The following JAKMIP1 variants were observed in gnomAD, a reference collection of about 807,000 sequenced individuals.
JAKMIP1 encodes the protein janus kinase and microtubule-interacting protein 1.
In JAKMIP1, 33 loss-of-function variants were observed where a neutral mutation model predicts 113.0. That is an observed-to-expected ratio of 0.29 (90% CI 0.22 to 0.39). JAKMIP1 has a LOEUF of 0.39. Ranked by LOEUF, JAKMIP1 falls within the 10% of genes least tolerant of loss-of-function variation. The probability of loss-of-function intolerance (pLI) is 1.00; values close to 1 mark genes in which losing one functional copy is unlikely to be tolerated. For missense variants in JAKMIP1, 813 were observed against 1,080.5 expected, an observed-to-expected ratio of 0.75 and a Z score of 3.47; for synonymous variants, 480 against 459.9, an observed-to-expected ratio of 1.04 and a Z score of -0.56.
At chr4:6,052,256 G>T (rs923659929) in intron 13 of JAKMIP1, among the ~76,000 whole-genome samples, 1 of 151,934 alleles carries the variant, frequency 6.6e-6, no homozygotes, top group African/African-American at 2.4e-5. Context: ...ATTTCATGAT[G>T]GTTCCATTCC....
intron 1 of JAKMIP1, among the ~76,000 whole-genome samples, chr4:6,173,886 GC>G (rs1356337944): frequency 6.6e-6 from 1 of 152,062 alleles, no homozygotes; most frequent in African/African-American, 2.4e-5. Context: ...GACCAGCCTG[GC>G]GAACATGGTG....
intron 9 of JAKMIP1, 117 bp from the exon 10 acceptor site, chr4:6,062,557 G>T: frequency 8.9e-7 from 1 of 1,125,358 alleles, no homozygotes; most frequent in Non-Finnish European, 1.3e-6. Flanking sequence ...TGAGTGCCAG[G>T]GTCAACTTAG....
Position 6,081,578 on chromosome 4 carries a change from C to A in JAKMIP1, c.1101+31G>T, listed in dbSNP as rs1720554170. 2.5e-6 allele frequency: 4 copies of A among 1,612,996 alleles called. No individual in the cohort carries two copies. The highest frequency in any genetic ancestry group is 1.1e-5 in the South Asian group (1 of 90,840). ...GAATCCCAGACAGAGAAGGGAGTGT[C>A]AGGGCTGTCCCCAAGGGGTCCACAG... On this transcript the variant is annotated intron_variant, in intron 6 of 20. Coordinates refer to ENST00000409021, the MANE Select transcript of JAKMIP1 (RefSeq NM_001099433.2). The surrounding 1 kb of genome is among the most constrained non-coding windows in gnomAD (Gnocchi z 4.6).
chr4:6,074,299 C>T (rs1234512709), intron 8 of JAKMIP1, among the ~76,000 whole-genome samples: 1 of 152,202 alleles, frequency 6.6e-6, no homozygotes, highest in East Asian at 1.9e-4. Context: ...TGGGAGTGGA[C>T]TGGAGGCACC....
rs1719041621 is a variant in JAKMIP1, at chr4:6,135,115, T to C, written c.-147-22118A>G. ...GGCCACTCCTCCCCATCCTCTCCCATTCTCAAGCCATGGTATATGGGCTGA... is the reference window on the plus strand; with the variant it reads ...GGCCACTCCTCCCCATCCTCTCCCACTCTCAAGCCATGGTATATGGGCTGA... On this transcript the variant is annotated intron_variant, in intron 1 of 20. Transcript: ENST00000409021. The surrounding 1 kb of genome is among the most constrained non-coding windows in gnomAD (Gnocchi z 4.9). 6.6e-6 allele frequency among the ~76,000 whole-genome samples: 1 copy of C among 152,150 alleles called. No homozygotes were observed. The highest frequency in any genetic ancestry group is 2.1e-4 in the South Asian group (1 of 4,830).
At chr4:6,098,564 AAGAAAG>A (rs1560180050) in intron 3 of JAKMIP1, among the ~76,000 whole-genome samples, 1 of 22,354 alleles carries the variant, frequency 4.5e-5, no homozygotes, top group African/African-American at 9.4e-5. Flanking sequence ...GAAAGAAAGA[AAGAAAG>A]AAAGAAAGAA....
intron 3 of JAKMIP1, among the ~76,000 whole-genome samples, chr4:6,100,133 G>T (rs1392317701): frequency 6.6e-6 from 1 of 152,088 alleles, no homozygotes; most frequent in East Asian, 1.9e-4. Flanking sequence ...TATAAATCAT[G>T]AACTTCGCCG....
chr4:6,135,098 C>T lies in JAKMIP1; in HGVS notation c.-147-22101G>A, dbSNP rs1719039426. On this transcript the variant is annotated intron_variant, in intron 1 of 20. Coordinates refer to ENST00000409021, the MANE Select transcript of JAKMIP1 (RefSeq NM_001099433.2). The surrounding 1 kb of genome is among the most constrained non-coding windows in gnomAD (Gnocchi z 4.9). ...TGCTCAGTCTCCATGGGGGCCACTC[C>T]TCCCCATCCTCTCCCATTCTCAAGC... 6.6e-6 allele frequency among the ~76,000 whole-genome samples: 1 copy of T among 152,116 alleles called. No individual in the cohort carries two copies. Among genetic ancestry groups the T allele is most frequent in the South Asian group, 2.1e-4 (1 of 4,824 alleles).
chr4:6,163,701 T>G (rs957790194), intron 1 of JAKMIP1, among the ~76,000 whole-genome samples: 2 of 152,244 alleles, frequency 1.3e-5, no homozygotes, highest in Non-Finnish European at 2.9e-5. Flanking sequence ...TTAGCCAAGT[T>G]GTGAATGCAC....
At position 6,042,436 on chromosome 4, in the gene JAKMIP1, G is replaced by A. The variant is rs1439183890; in HGVS notation, c.2029-209C>T. Among the ~76,000 whole-genome samples the A allele has an allele frequency of 1.3e-5, 2 of 152,128 alleles. No homozygotes were observed. The highest frequency in any genetic ancestry group is 2.9e-5 in the Non-Finnish European group (2 of 68,024). ...CCTGCATGTGCAGGAGGTCTTAGGT[G>A]TGAGTGTGACATGTACGTGGTGTGG... On this transcript the variant is annotated intron_variant, in intron 16 of 20. Transcript: ENST00000409021. The surrounding 1 kb of genome is among the most constrained non-coding windows in gnomAD (Gnocchi z 5.2).
chr4:6,177,297 G>A (rs1013136814), intron 1 of JAKMIP1, among the ~76,000 whole-genome samples: 1 of 152,176 alleles, frequency 6.6e-6, no homozygotes, highest in Non-Finnish European at 1.5e-5. Flanking sequence ...GATGGGATGT[G>A]GAGTCCAGGG....
chr4:6,030,517 G>A (rs1468231572), intron 19 of JAKMIP1, among the ~76,000 whole-genome samples: 3 of 152,130 alleles, frequency 2.0e-5, no homozygotes, highest in Non-Finnish European at 2.9e-5. Context: ...CGTCTCCACC[G>A]AGGGAATCTG....
intron 4 of JAKMIP1, among the ~76,000 whole-genome samples, chr4:6,085,215 C>T (rs1002676678): frequency 1.3e-5 from 2 of 152,116 alleles, no homozygotes; most frequent in African/African-American, 4.8e-5. Flanking sequence ...GCCCCTCCCA[C>T]CCCGTATCTC....
chr4:6,127,167 C>A (rs1315100259), intron 1 of JAKMIP1, among the ~76,000 whole-genome samples: 1 of 152,218 alleles, frequency 6.6e-6, no homozygotes, highest in Non-Finnish European at 1.5e-5. Flanking sequence ...GGCTTCAGAG[C>A]CTGGCACGTC....
intron 3 of JAKMIP1, among the ~76,000 whole-genome samples, chr4:6,099,894 T>C (rs536055832): frequency 1.3e-5 from 2 of 152,352 alleles, no homozygotes; most frequent in Admixed American, 1.3e-4. Flanking sequence ...CTTTAGTGTA[T>C]GGGATGCTAC....
chr4:6,054,234 G>T, intron 12 of JAKMIP1, 86 bp from the exon 13 acceptor site: 1 of 1,377,240 alleles, frequency 7.3e-7, no homozygotes. Flanking sequence ...AGTGGCTGGA[G>T]GGAAACAGAC....
intron 3 of JAKMIP1, among the ~76,000 whole-genome samples, chr4:6,100,072 T>C (rs1387987910): frequency 6.6e-6 from 1 of 152,208 alleles, no homozygotes; most frequent in Non-Finnish European, 1.5e-5. Flanking sequence ...CTTTTATCAA[T>C]CCTATTTAAA....
chr4:6,163,293 CTG>C (rs150707742), intron 1 of JAKMIP1, among the ~76,000 whole-genome samples: 5,243 of 152,332 alleles, frequency 0.034, 204 homozygotes, highest in African/African-American at 0.086. Context: ...CCTCGTGTCT[CTG>C]TGCCACATTT....
At chr4:6,149,280 A>G (rs1721263754) in intron 1 of JAKMIP1, among the ~76,000 whole-genome samples, 1 of 152,248 alleles carries the variant, frequency 6.6e-6, no homozygotes, top group Non-Finnish European at 1.5e-5. Flanking sequence ...GTTTCAGAAG[A>G]GAAGACACAA....
Sources: allele counts gnomAD v4.1 joint callset (sites outside exome capture counted in the v4.1 genomes callset), GRCh38; gene constraint gnomAD v4.1.1; non-coding constraint Gnocchi (gnomAD v3.1); transcripts MANE v1.5; gene names NCBI Gene and HGNC (gene_info 2026-07-23, HGNC 2026-07-21).